Variants in MTUS1 observed in about 807,000 individuals in gnomAD.
MTUS1 encodes the protein microtubule-associated tumor suppressor 1.
Under a neutral mutation model 120.8 loss-of-function variants are expected in MTUS1, and 109 were observed. The observed-to-expected ratio is 0.90, with a 90% CI of 0.77 to 1.06. The LOEUF (loss-of-function observed/expected upper bound fraction) is 1.06, where lower values mean the gene tolerates loss of function less well. MTUS1 is among the 50% of genes least tolerant of loss of function. The probability of loss-of-function intolerance (pLI) is 0.00; values close to 1 mark genes in which losing one functional copy is unlikely to be tolerated. For missense variants in MTUS1, 2,210 were observed against 1,486.3 expected (o/e 1.49, Z -8.01); for synonymous variants, 737 against 550.5 (o/e 1.34, Z -4.74).
chr8:17,709,454 T>C (rs937188758), intron 6 of MTUS1, among the ~76,000 whole-genome samples: 5 of 152,126 alleles, frequency 3.3e-5, no homozygotes, highest in African/African-American at 1.2e-4. Context: ...TTAACTATCC[T>C]ATTAGCTCTC....
chr8:17,790,592 C>T (rs144235117), intron 1 of MTUS1, among the ~76,000 whole-genome samples: 9 of 152,278 alleles, frequency 5.9e-5, no homozygotes, highest in African/African-American at 2.2e-4. Context: ...ATCTGAATGG[C>T]TTACAACATT....
chr8:17,669,169 AC>A (rs1445185850), intron 8 of MTUS1, among the ~76,000 whole-genome samples: 1 of 152,236 alleles, frequency 6.6e-6, no homozygotes, highest in Non-Finnish European at 1.5e-5. Flanking sequence ...TTAAATGTGT[AC>A]AGGGTGCTTT....
At chr8:17,767,909 G>A (rs756783268) in intron 1 of MTUS1, among the ~76,000 whole-genome samples, 10 of 152,092 alleles carry the variant, frequency 6.6e-5, no homozygotes, top group Admixed American at 2.0e-4. Context: ...GTCCTAGTGA[G>A]GAGAGACTAG....
In MTUS1 at chr8:17,734,940, G is replaced by T. The variant is rs375450096; in HGVS notation, c.2287+8664C>A. 3.3e-4 allele frequency among the ~76,000 whole-genome samples: 50 copies of T among 151,770 alleles called. 2 individuals are homozygous for T. Among genetic ancestry groups the T allele is most frequent in the African/African-American group, 1.1e-3 (46 of 41,366 alleles). ...TTTTTTTTTCTTTTCTTTTCAGAGG[G>T]TCTCGCTCTGTCACCCTGGCAGGAG... On this transcript the variant is annotated intron_variant, in intron 3 of 14. Coordinates refer to ENST00000693296, the MANE Select transcript of MTUS1 (RefSeq NM_001363059.2).
chr8:17,665,727 C>G (rs1810757835), intron 8 of MTUS1, among the ~76,000 whole-genome samples: 1 of 152,200 alleles, frequency 6.6e-6, no homozygotes. Context: ...GGCTATTTTT[C>G]CCAGCCTGAG....
chr8:17,665,562 T>C (rs1210087364), intron 8 of MTUS1, among the ~76,000 whole-genome samples: 1 of 152,166 alleles, frequency 6.6e-6, no homozygotes, highest in Non-Finnish European at 1.5e-5. Context: ...GGTTTCACCA[T>C]GTTGGCAAGG....
intron 8 of MTUS1, among the ~76,000 whole-genome samples, chr8:17,671,331 A>C (rs1413885878): frequency 1.3e-5 from 2 of 152,212 alleles, no homozygotes; most frequent in African/African-American, 4.8e-5. Flanking sequence ...CGAGTACCCA[A>C]GAAAACAGAA....
chr8:17,773,653 A>C (rs2050181336), intron 1 of MTUS1, among the ~76,000 whole-genome samples: 1 of 152,172 alleles, frequency 6.6e-6, no homozygotes, highest in African/African-American at 2.4e-5. Flanking sequence ...CTCTCTTCTT[A>C]GGAAGCCACC....
At chr8:17,665,612 C>T (rs1482595221) in intron 8 of MTUS1, among the ~76,000 whole-genome samples, 1 of 152,180 alleles carries the variant, frequency 6.6e-6, no homozygotes, top group Non-Finnish European at 1.5e-5. Flanking sequence ...CTGTCCACCT[C>T]AGCCTCCCAA....
At chr8:17,680,178 T>A (rs1045078315) in intron 7 of MTUS1, among the ~76,000 whole-genome samples, 9 of 152,076 alleles carry the variant, frequency 5.9e-5, no homozygotes, top group African/African-American at 9.7e-5. Context: ...CTGAGTGGGT[T>A]CTGGACTGGG....
At chr8:17,723,523 TGCCAAA>T in intron 4 of MTUS1, 143 bp downstream of exon 4, 1 of 782,884 alleles carries the variant, frequency 1.3e-6, no homozygotes, top group Admixed American at 2.2e-5. Context: ...ATTTTTTTTC[TGCCAAA>T]CTTTCAGAGC....
At chr8:17,724,190 A>G (rs781618238) in intron 3 of MTUS1, 4 of 455,738 alleles carry the variant, frequency 8.8e-6, no homozygotes, top group Non-Finnish European at 1.7e-5. Flanking sequence ...ACAAATTGAT[A>G]CGACCCCCCA....
At position 17,754,186 on chromosome 8, in the gene MTUS1, G is replaced by T; in HGVS notation, c.1622C>A (p.Ser541Ter). The change falls in exon 2 of 15, where the codon TCA becomes TAA. Residue 541 changes from serine (S) to a stop codon, truncating the protein, a stop_gained. Transcript: ENST00000693296. LOFTEE classifies it high-confidence loss of function. ...TTGTCTTGAATTCACTGATGAGGGT[G>T]ATGAGGCACTGGTCTGCTGAGGTCT... Reference protein sequence around the residue: ...TPRPQQTSASSPSSVNSRQQT... With the variant: ...TPRPQQTSAS 1 of 1,614,000 alleles carries T rather than the reference G, an allele frequency of 6.2e-7. No individual in the cohort carries two copies.
At chr8:17,650,799 C>G (rs549316032) in intron 12 of MTUS1, among the ~76,000 whole-genome samples, 3 of 152,170 alleles carry the variant, frequency 2.0e-5, no homozygotes, top group Non-Finnish European at 4.4e-5. Flanking sequence ...CACCGCCCAC[C>G]CACTCCTTGC....
At chr8:17,777,166 G>A (rs985117123) in intron 1 of MTUS1, among the ~76,000 whole-genome samples, 5 of 152,264 alleles carry the variant, frequency 3.3e-5, no homozygotes, top group African/African-American at 9.6e-5. Flanking sequence ...GCCGGGCACT[G>A]TGGCTCATGC....
intron 1 of MTUS1, among the ~76,000 whole-genome samples, chr8:17,775,390 C>A (rs1381722309): frequency 6.6e-6 from 1 of 152,106 alleles, no homozygotes; most frequent in Admixed American, 6.6e-5. Context: ...CCTCCGGGAT[C>A]CTGAAACTTC....
rs1017543118 is a variant in MTUS1, at chr8:17,801,083, G to T, written c.-177C>A. 4.6e-5 allele frequency among the ~76,000 whole-genome samples: 7 copies of T among 152,144 alleles called. No homozygotes were observed. Among genetic ancestry groups the T allele is most frequent in the Admixed American group, 6.5e-5 (1 of 15,304 alleles). ...TACCCGCAGCTCCTTCAAGCGCTCCGGGAGCAAAGACGCAGAGGCGGGGAG... is the reference window on the plus strand; with the variant it reads ...TACCCGCAGCTCCTTCAAGCGCTCCTGGAGCAAAGACGCAGAGGCGGGGAG... On this transcript the variant is annotated 5_prime_UTR_variant, in exon 1 of 15. Transcript: ENST00000693296.
rs147511464 is a variant in MTUS1 at position 17,782,994 on chromosome 8, C to T, written c.-155+18067G>A. 5.8e-3 allele frequency among the ~76,000 whole-genome samples: 885 copies of T among 152,302 alleles called. 15 individuals are homozygous for T. Among genetic ancestry groups the T allele is most frequent in the African/African-American group, 0.021 (855 of 41,558 alleles). On this transcript the variant is annotated intron_variant, in intron 1 of 14. Transcript: ENST00000693296. ...TCAGGAGGCTGAGGCAGGAGAATCGCTTAAACCTGGGAGGCGGAGTTTGCA... is the reference window on the plus strand; with the variant it reads ...TCAGGAGGCTGAGGCAGGAGAATCGTTTAAACCTGGGAGGCGGAGTTTGCA...
intron 6 of MTUS1, among the ~76,000 whole-genome samples, chr8:17,685,524 T>C (rs1326993382): frequency 6.6e-6 from 1 of 151,974 alleles, no homozygotes; most frequent in Non-Finnish European, 1.5e-5. Context: ...CATTACAGCA[T>C]CCACGTTCTG....
Sources: allele counts gnomAD v4.1 joint callset (sites outside exome capture counted in the v4.1 genomes callset), GRCh38; gene constraint gnomAD v4.1.1; transcripts MANE v1.5; gene names NCBI Gene and HGNC (gene_info 2026-07-23, HGNC 2026-07-21).